The following ABR variants were observed in gnomAD, a reference collection of about 807,000 sequenced individuals.
ABR encodes the protein ABR activator of RhoGEF and GTPase.
A neutral mutation model predicts 107.2 loss-of-function variants in ABR; 35 were observed. The observed-to-expected ratio is 0.33, with a 90% CI of 0.25 to 0.43. ABR has a LOEUF of 0.43. Among genes scored for constraint, ABR ranks in the 20% least tolerant of loss-of-function variants. The pLI, the probability that ABR is intolerant of heterozygous loss-of-function variation, is 1.00. For synonymous variants in ABR, 498 were observed against 462.0 expected, an observed-to-expected ratio of 1.08 and a Z score of -1.00; for missense variants, 815 against 1,115.2, an observed-to-expected ratio of 0.73 and a Z score of 3.83.
chr17:1,142,383 G>A (rs985693405), intron 1 of ABR, among the ~76,000 whole-genome samples: 2 of 151,940 alleles, frequency 1.3e-5, no homozygotes, highest in East Asian at 2.0e-4. Flanking sequence ...TCGAGAGTTC[G>A]AGACCAGCCT....
intron 1 of ABR, among the ~76,000 whole-genome samples, chr17:1,197,179 G>A (rs1379810068): frequency 1.3e-5 from 2 of 151,700 alleles, no homozygotes; most frequent in East Asian, 3.8e-4. Flanking sequence ...AGGCTCGGAT[G>A]AGCATTGCAA....
rs1250894328 is a variant in ABR, at chr17:1,071,413, G to A, written c.894+1201C>T. Among the ~76,000 whole-genome samples, 2 of 152,068 alleles carry A rather than the reference G, an allele frequency of 1.3e-5. No individual in the cohort carries two copies. The highest frequency in any genetic ancestry group is 1.9e-4 in the East Asian group (1 of 5,178). On this transcript the variant is annotated intron_variant, in intron 8 of 22. Coordinates refer to ENST00000302538, the MANE Select transcript of ABR (RefSeq NM_021962.5). This position sits in a 1 kb window ranked among gnomAD's most constrained non-coding sequence, Gnocchi z 5.1. The stretch of plus-strand genomic sequence containing the variant: ...CCTGTCAGCCTCACTCGTAACGGCC[G>A]CCTAATGGCCTCCCCTGGACAGGAA...
chr17:1,072,955 G>A (rs1402098889), intron 7 of ABR, among the ~76,000 whole-genome samples: 1 of 152,142 alleles, frequency 6.6e-6, no homozygotes, highest in Non-Finnish European at 1.5e-5. Flanking sequence ...CCGAGGCGGG[G>A]GATCTCTTGA....
At chr17:1,087,827 C>A (rs762136138) in intron 4 of ABR, among the ~76,000 whole-genome samples, 6 of 152,156 alleles carry the variant, frequency 3.9e-5, no homozygotes, top group Non-Finnish European at 7.4e-5. Context: ...GCCAGCCGTG[C>A]GGAGGCCTGC....
intron 18 of ABR, chr17:1,012,347 G>A (rs576474678): frequency 4.0e-5 from 26 of 642,026 alleles, no homozygotes; most frequent in Middle Eastern, 2.4e-4. Flanking sequence ...GTGGTGAACC[G>A]GGGGACACGT....
At chr17:1,228,778 G>A (rs1229668261) in intron 1 of ABR, 6 of 147,526 alleles carry the variant, frequency 4.1e-5, no homozygotes, top group Admixed American at 4.0e-4. Flanking sequence ...AGCGGGGTCT[G>A]GGGGGGGCGC....
intron 1 of ABR, among the ~76,000 whole-genome samples, chr17:1,176,841 G>A (rs932109499): frequency 2.7e-5 from 4 of 149,448 alleles, no homozygotes; most frequent in East Asian, 2.0e-4. Context: ...CGGAGACCCC[G>A]TCTCAAAACA....
At position 1,005,334 on chromosome 17, in the gene ABR, G is replaced by A. The variant is rs548165283; in HGVS notation, c.*746C>T. The stretch of plus-strand genomic sequence containing the variant: ...ACCCCAGAAGTGGAGATTCCCAAAC[G>A]GAAAATTCCAGAAATGGGCGCTCCA... On this transcript the variant is annotated 3_prime_UTR_variant, in exon 23 of 23. Transcript: ENST00000302538. 4.6e-5 allele frequency: 18 copies of A among 395,376 alleles called. No individual in the cohort carries two copies. The highest frequency in any genetic ancestry group is 2.9e-4 in the South Asian group (2 of 6,998). The allele number at this position is 395,376 out of a possible 1,614,324, so 24.5% of individuals were successfully genotyped here. A position where few individuals can be genotyped will look rare whatever the true frequency, so the allele number is the denominator to read the frequency against.
intron 3 of ABR, among the ~76,000 whole-genome samples, chr17:1,097,866 G>A (rs1025914208): frequency 1.3e-5 from 2 of 152,036 alleles, no homozygotes; most frequent in Admixed American, 6.6e-5. Flanking sequence ...AATGTCTGAC[G>A]GGTTGTCTCT....
At chr17:1,021,601 C>A (rs1348961463) in intron 16 of ABR, among the ~76,000 whole-genome samples, 1 of 150,400 alleles carries the variant, frequency 6.6e-6, no homozygotes, top group East Asian at 2.0e-4. Context: ...GTCAGGAGAT[C>A]GAGACCAACC....
chr17:1,038,915 G>A (rs932028221), intron 16 of ABR, among the ~76,000 whole-genome samples: 13 of 152,352 alleles, frequency 8.5e-5, no homozygotes, highest in Middle Eastern at 3.4e-3. Flanking sequence ...AGCAGCCTCC[G>A]CCAGCAGGGA....
intron 16 of ABR, among the ~76,000 whole-genome samples, chr17:1,025,250 C>T (rs899394519): frequency 1.1e-4 from 16 of 149,376 alleles, no homozygotes; most frequent in African/African-American, 3.0e-4. Flanking sequence ...GAGCCGAGAT[C>T]GCGCCATTGC....
chr17:1,097,005 G>A (rs1292491903), intron 3 of ABR, among the ~76,000 whole-genome samples: 2 of 151,782 alleles, frequency 1.3e-5, no homozygotes, highest in Non-Finnish European at 2.9e-5. Flanking sequence ...AGCTGGGGAA[G>A]GGGGGAACCT....
intron 6 of ABR, among the ~76,000 whole-genome samples, chr17:1,074,344 C>G (rs1044810238): frequency 2.0e-5 from 3 of 149,896 alleles, no homozygotes; most frequent in Admixed American, 6.6e-5. Context: ...ACATGCAGGA[C>G]CCCAGAATCA....
intron 1 of ABR, among the ~76,000 whole-genome samples, chr17:1,204,739 A>C (rs773181806): frequency 6.6e-6 from 1 of 152,122 alleles, no homozygotes; most frequent in African/African-American, 2.4e-5. Flanking sequence ...CATTGAGCCT[A>C]CTATGTACCT....
intron 4 of ABR, among the ~76,000 whole-genome samples, chr17:1,088,093 C>CG (rs2036749109): frequency 1.3e-5 from 2 of 152,202 alleles, no homozygotes; most frequent in South Asian, 4.1e-4. Context: ...CGGCTCCCCC[C>CG]GGGCCCTCCC....
chr17:1,205,766 A>C (rs2042776529), intron 1 of ABR, among the ~76,000 whole-genome samples: 1 of 152,210 alleles, frequency 6.6e-6, no homozygotes, highest in African/African-American at 2.4e-5. Context: ...AACATGGTGA[A>C]ACCCCATCTC....
rs145999759 is a variant in ABR, at chr17:1,007,169, G to A, written c.2486C>T (p.Ala829Val). 4 of 1,612,514 alleles carry A rather than the reference G, an allele frequency of 2.5e-6. No individual in the cohort carries two copies. The highest frequency in any genetic ancestry group is 2.5e-6 in the Non-Finnish European group (3 of 1,179,472). ...GCCCGGGCGGTGCCAGGGTACCTGC[G>A]CCATGACGTCATGGGACCAGATGTC... The part of the protein sequence containing the change: ...AADIWSHDVM[A>V]QVQVLLYYLQ... Residue 829 changes from alanine to valine, a missense_variant, in exon 22 of 23, where the codon GCG becomes GTG. Ala to Val is a moderately conservative substitution (Grantham distance 64, BLOSUM62 0). Around this residue, in one of 5 missense-constraint regions of ABR, gnomAD observed 175 missense variants for 284.3 expected, o/e 0.62. Transcript: ENST00000302538.
At chr17:1,065,448 T>A (rs369200553) in intron 10 of ABR, among the ~76,000 whole-genome samples, 8 of 69,434 alleles carry the variant, frequency 1.2e-4, no homozygotes, top group African/African-American at 2.4e-4. Context: ...GCTGTTGTTA[T>A]GTGAACTGAG....
Sources: gnomAD v4.1 joint callset for allele counts (sites outside exome capture counted in the v4.1 genomes callset) on GRCh38, gnomAD v4.1.1 for gene constraint, gnomAD v4.1.1 regional missense constraint, Gnocchi (gnomAD v3.1) non-coding constraint, MANE v1.5 for transcripts, NCBI Gene and HGNC (gene_info 2026-07-23, HGNC 2026-07-21) for gene names.